The following SUMF1 variants were observed in gnomAD, a reference collection of about 807,000 sequenced individuals.
SUMF1 encodes the protein sulfatase modifying factor 1.
SUMF1 carries 48 observed loss-of-function variants against 47.6 expected under a neutral mutation model. The ratio of observed to expected loss-of-function variants is 1.01; its 90% CI spans 0.80 to 1.28. SUMF1 has a LOEUF of 1.28. Among genes scored for constraint, SUMF1 ranks in the 50% most tolerant of loss-of-function variants. SUMF1 has a pLI of 0.00. For missense variants in SUMF1, 571 were observed against 485.4 expected (o/e 1.18, Z -1.66); for synonymous variants, 230 against 192.1 (o/e 1.20, Z -1.63).
intron 8 of SUMF1, among the ~76,000 whole-genome samples, chr3:4,152,380 C>A (rs1694355448): frequency 6.6e-6 from 1 of 151,454 alleles, no homozygotes; most frequent in African/African-American, 2.5e-5. Context: ...CTCCACCTCC[C>A]AGGCTGAAGC....
chr3:4,230,098 G>C (rs1443008729), intron 8 of SUMF1, among the ~76,000 whole-genome samples: 3 of 151,936 alleles, frequency 2.0e-5, no homozygotes, highest in Admixed American at 6.6e-5. Context: ...AGTTTCCCTA[G>C]AGCATTACAA....
intron 8 of SUMF1, among the ~76,000 whole-genome samples, chr3:4,221,545 A>G (rs191044494): frequency 8.5e-5 from 13 of 152,096 alleles, no homozygotes; most frequent in Admixed American, 5.2e-4. Context: ...CCCATTTCCC[A>G]GTGATTAGAC....
At chr3:4,185,137 T>G (rs577043769) in intron 8 of SUMF1, among the ~76,000 whole-genome samples, 1 of 152,222 alleles carries the variant, frequency 6.6e-6, no homozygotes, top group African/African-American at 2.4e-5. Flanking sequence ...CATCTTCTCA[T>G]GTCTATGAAT....
At chr3:4,252,258 C>A (rs1328647463) in intron 8 of SUMF1, among the ~76,000 whole-genome samples, 1 of 152,028 alleles carries the variant, frequency 6.6e-6, no homozygotes, top group Non-Finnish European at 1.5e-5. Context: ...ACATAAGTGT[C>A]ATTTCTAGGA....
chr3:4,242,849 G>C (rs1696573179), intron 8 of SUMF1, among the ~76,000 whole-genome samples: 1 of 152,150 alleles, frequency 6.6e-6, no homozygotes, highest in Non-Finnish European at 1.5e-5. Context: ...TGAAAGAATG[G>C]TACCAGCTCC....
intron 1 of SUMF1, among the ~76,000 whole-genome samples, chr3:4,457,599 T>G (rs2079698084): frequency 6.6e-6 from 1 of 152,076 alleles, no homozygotes; most frequent in African/African-American, 2.4e-5. Flanking sequence ...GCATTTACCA[T>G]CATCTGATTT....
chr3:4,184,011 T>G (rs915564475), intron 8 of SUMF1, among the ~76,000 whole-genome samples: 1 of 152,014 alleles, frequency 6.6e-6, no homozygotes, highest in African/African-American at 2.4e-5. Context: ...GGCACATGCC[T>G]GCAGTCCCAC....
chr3:4,362,710 C>A (rs1198387782), intron 8 of SUMF1, among the ~76,000 whole-genome samples: 1 of 152,078 alleles, frequency 6.6e-6, no homozygotes, highest in African/African-American at 2.4e-5. Flanking sequence ...CTGTTTGAGG[C>A]CAGGAGCTCG....
chr3:4,316,155 C>A (rs1003927033), intron 8 of SUMF1: 65 of 621,630 alleles, frequency 1.0e-4, no homozygotes, highest in Middle Eastern at 4.3e-4. Context: ...TTTTAATGAG[C>A]ATTTCTTTAT....
chr3:4,262,628 A>G (rs527944435), intron 8 of SUMF1, among the ~76,000 whole-genome samples: 1 of 152,274 alleles, frequency 6.6e-6, no homozygotes, highest in East Asian at 1.9e-4. Flanking sequence ...TTTAGGCTTT[A>G]CATTCTATTT....
chr3:4,040,462 T>G (rs1215038455), intron 9 of SUMF1, among the ~76,000 whole-genome samples: 1 of 152,182 alleles, frequency 6.6e-6, no homozygotes, highest in Non-Finnish European at 1.5e-5. Flanking sequence ...TGTTTAGCAT[T>G]TTAATCAATG....
intron 8 of SUMF1, among the ~76,000 whole-genome samples, chr3:4,204,748 G>A (rs929665530): frequency 6.6e-6 from 1 of 151,710 alleles, no homozygotes; most frequent in African/African-American, 2.4e-5. Context: ...TCTTCCGCTT[G>A]ATCCATTCAG....
At chr3:4,242,414 G>A (rs1053932132) in intron 8 of SUMF1, among the ~76,000 whole-genome samples, 1 of 152,102 alleles carries the variant, frequency 6.6e-6, no homozygotes. Context: ...CTGTGGGTTT[G>A]TCATAGATAG....
intron 8 of SUMF1, among the ~76,000 whole-genome samples, chr3:4,364,567 G>GAT (rs1232527153): frequency 4.0e-5 from 6 of 151,204 alleles, no homozygotes; most frequent in South Asian, 2.1e-4. Flanking sequence ...GATCGGTGGT[G>GAT]ATATCCCCTT....
intron 8 of SUMF1, among the ~76,000 whole-genome samples, chr3:4,177,949 G>A (rs1046476815): frequency 6.6e-6 from 1 of 152,080 alleles, no homozygotes; most frequent in Non-Finnish European, 1.5e-5. Context: ...AGAAGAAATG[G>A]ATAAATTCCT....
intron 8 of SUMF1, among the ~76,000 whole-genome samples, chr3:4,218,193 G>A (rs565383111): frequency 5.0e-4 from 76 of 151,876 alleles, no homozygotes; most frequent in Non-Finnish European, 9.6e-4. Flanking sequence ...GAGACCTTAC[G>A]AGAAATCAAC....
At chr3:4,182,049 T>C (rs1455000297) in intron 8 of SUMF1, among the ~76,000 whole-genome samples, 2 of 152,146 alleles carry the variant, frequency 1.3e-5, no homozygotes, top group African/African-American at 2.4e-5. Flanking sequence ...AGGCATACTG[T>C]GATAGAGATT....
At chr3:4,037,869 G>C (rs907468520) in intron 9 of SUMF1, among the ~76,000 whole-genome samples, 3 of 152,072 alleles carry the variant, frequency 2.0e-5, no homozygotes, top group Non-Finnish European at 4.4e-5. Context: ...CTTTGCGCAG[G>C]GTCTTTATTT....
intron 8 of SUMF1, among the ~76,000 whole-genome samples, chr3:4,107,737 G>A (rs58679162): frequency 0.045 from 6,855 of 152,180 alleles, 266 homozygotes; most frequent in African/African-American, 0.096. Flanking sequence ...AGGATCACTT[G>A]AGACCAGGAG....
Sources: allele counts gnomAD v4.1 joint callset (sites outside exome capture counted in the v4.1 genomes callset), GRCh38; gene constraint gnomAD v4.1.1; transcripts MANE v1.5; gene names NCBI Gene and HGNC (gene_info 2026-07-23, HGNC 2026-07-21).